Variants in TUBD1 observed in about 807,000 individuals in gnomAD.
TUBD1 encodes tubulin delta 1, also known as tubulin delta chain.
A neutral mutation model predicts 51.2 loss-of-function variants in TUBD1; 38 were observed. The ratio of observed to expected loss-of-function variants is 0.74; its 90% CI spans 0.57 to 0.97. The LOEUF (loss-of-function observed/expected upper bound fraction) is 0.97, where lower values mean the gene tolerates loss of function less well. Among genes scored for constraint, TUBD1 ranks in the 50% least tolerant of loss-of-function variants. The probability of loss-of-function intolerance (pLI) is 0.00; values close to 1 mark genes in which losing one functional copy is unlikely to be tolerated. For missense variants in TUBD1, 489 were observed against 538.4 expected (o/e 0.91, Z 0.91); for synonymous variants, 169 against 178.2 (o/e 0.95, Z 0.41).
At chr17:59,863,616 C>CA (rs377342839) in intron 8 of TUBD1, 48 bp downstream of exon 8, 157,744 of 1,121,968 alleles carry the variant, frequency 0.14, 42 homozygotes, top group Non-Finnish European at 0.15. Flanking sequence ...GACTCTGTCT[C>CA]AAAAAAAAAA....
At chr17:59,869,570 G>A (rs2039886616) in intron 6 of TUBD1, among the ~76,000 whole-genome samples, 1 of 152,034 alleles carries the variant, frequency 6.6e-6, no homozygotes, top group Non-Finnish European at 1.5e-5. Flanking sequence ...ACCTAAGAGA[G>A]CTCAGAGCAG....
chr17:59,883,457 A>G (rs901650281), intron 3 of TUBD1, among the ~76,000 whole-genome samples: 10 of 151,966 alleles, frequency 6.6e-5, no homozygotes, highest in African/African-American at 2.4e-4. Flanking sequence ...TAGTAGAAAC[A>G]GGGTTTTACC....
At position 59,887,369 on chromosome 17, in the gene TUBD1, C is replaced by CA. The variant is rs112102883; in HGVS notation, c.173-1140dup. ...CTTGGGCAAGAGTGAGACTCTGTCT[C>CA]AAAAAAAAAAAAAGACTTGTGGGAA... On this transcript the variant is annotated intron_variant, in intron 2 of 8. Transcript: ENST00000325752. 1.1e-3 allele frequency among the ~76,000 whole-genome samples: 136 copies of CA among 122,708 alleles called. 1 individual carries two copies. Among genetic ancestry groups the CA allele is most frequent in the African/African-American group, 2.0e-3 (68 of 33,978 alleles). The allele number at this position is 122,708 out of a possible 152,430, so 80.5% of individuals were successfully genotyped here.
chr17:59,885,100 C>T (rs2144560105), intron 3 of TUBD1: 2 of 351,084 alleles, frequency 5.7e-6, no homozygotes, highest in Middle Eastern at 4.0e-4. Flanking sequence ...GCAAGGACAG[C>T]CTCCCGCATA....
chr17:59,889,668 C>CAAAAAAAA (rs1195587619), intron 2 of TUBD1, among the ~76,000 whole-genome samples: 5 of 54,142 alleles, frequency 9.2e-5, no homozygotes, highest in African/African-American at 2.2e-4. Flanking sequence ...GACTCTGTCT[C>CAAAAAAAA]AAAAAAAAAA....
chr17:59,874,033 C>CA (rs2040115514), intron 6 of TUBD1, among the ~76,000 whole-genome samples: 1 of 150,612 alleles, frequency 6.6e-6, no homozygotes, highest in African/African-American at 2.4e-5. Flanking sequence ...ACTAAAAATA[C>CA]AAAAAATTAG....
intron 5 of TUBD1, among the ~76,000 whole-genome samples, chr17:59,876,322 G>T (rs1205303964): frequency 6.6e-6 from 1 of 150,552 alleles, no homozygotes; most frequent in Non-Finnish European, 1.5e-5. Flanking sequence ...GAGATTATAG[G>T]TGCACACCAC....
rs1201604049 is a variant in TUBD1, at chr17:59,860,398, A to C, written c.1286T>G (p.Phe429Cys). Residue 429 changes from phenylalanine to cysteine, a missense_variant, in exon 9 of 9, where the codon TTT becomes TGT. Coordinates refer to ENST00000325752, the MANE Select transcript of TUBD1 (RefSeq NM_016261.4). The part of the protein sequence containing the change: ...SKAYIHQYTK[F>C]GIEEEDFLDS... Reference sequence around the variant, plus strand: ...TAAAAAGTCCTCTTCTTCGATTCCAAATTTTGTGTACTGATGAATGTAGGC... The same window carrying C: ...TAAAAAGTCCTCTTCTTCGATTCCACATTTTGTGTACTGATGAATGTAGGC... 6.2e-7 allele frequency: 1 copy of C among 1,611,334 alleles called. No homozygotes were observed. Among genetic ancestry groups the C allele is most frequent in the Non-Finnish European group, 8.5e-7 (1 of 1,178,180 alleles).
intron 3 of TUBD1, among the ~76,000 whole-genome samples, chr17:59,885,775 G>A (rs2040693321): frequency 6.6e-6 from 1 of 152,188 alleles, no homozygotes; most frequent in Non-Finnish European, 1.5e-5. Flanking sequence ...CTACTGTCTT[G>A]TAGTATTCTC....
At chr17:59,861,812 T>C (rs980091427) in intron 8 of TUBD1, among the ~76,000 whole-genome samples, 34 of 151,098 alleles carry the variant, frequency 2.3e-4, no homozygotes, top group Non-Finnish European at 7.4e-5. Context: ...GGATTACAGG[T>C]GCCCGCCACC....
chr17:59,875,073 C>CTTTTTTTTTTTTTTTTTTTTTTT (rs10679203), intron 5 of TUBD1, among the ~76,000 whole-genome samples: 1 of 87,270 alleles, frequency 1.1e-5, no homozygotes, highest in Non-Finnish European at 2.2e-5. Flanking sequence ...TTGTTATATT[C>CTTTTTTTTTTTTTTTTTTTTTTT]TTTTTTTTTT....
chr17:59,880,050 G>A (rs866254643), intron 4 of TUBD1, among the ~76,000 whole-genome samples: 1 of 151,910 alleles, frequency 6.6e-6, no homozygotes, highest in Non-Finnish European at 1.5e-5. Context: ...ACTGCGCCCA[G>A]CCATTCTCTT....
intron 8 of TUBD1, among the ~76,000 whole-genome samples, chr17:59,862,414 A>T (rs905034703): frequency 6.6e-6 from 1 of 152,176 alleles, no homozygotes; most frequent in Non-Finnish European, 1.5e-5. Flanking sequence ...GAGATCAAGA[A>T]ATCTGCTAAA....
At chr17:59,881,481 A>G (rs1221239676) in intron 3 of TUBD1, among the ~76,000 whole-genome samples, 1 of 152,146 alleles carries the variant, frequency 6.6e-6, no homozygotes, top group Non-Finnish European at 1.5e-5. Flanking sequence ...GAGTATAGAA[A>G]GTTCTCTTTA....
At chr17:59,875,244 C>A (rs910085467) in intron 5 of TUBD1, among the ~76,000 whole-genome samples, 1 of 150,984 alleles carries the variant, frequency 6.6e-6, no homozygotes, top group African/African-American at 2.4e-5. Flanking sequence ...GCCCAGCTAA[C>A]TTTTTGTACT....
rs1194220519 is a variant in TUBD1, at chr17:59,860,027, T to C, written c.*295A>G. On this transcript the variant is annotated 3_prime_UTR_variant, in exon 9 of 9. Coordinates refer to ENST00000325752, the MANE Select transcript of TUBD1 (RefSeq NM_016261.4). The stretch of plus-strand genomic sequence containing the variant: ...CTTTGAAAACATTTTTTTTTTTTTT[T>C]TTTTTTGAGACGGAGTCTCGCTCTG... 5.7e-6 allele frequency: 1 copy of C among 175,166 alleles called. No homozygotes were observed. The highest frequency in any genetic ancestry group is 1.2e-5 in the Non-Finnish European group (1 of 84,276). 10.9% of individuals were successfully genotyped at this position (175,166 alleles called of 1,614,324 possible).
chr17:59,866,859 C>T, intron 6 of TUBD1, 110 bp from the exon 7 acceptor site: 1 of 807,058 alleles, frequency 1.2e-6, no homozygotes, highest in Non-Finnish European at 1.9e-6. Flanking sequence ...TCTTGGCTCA[C>T]TGCAACCTCC....
At chr17:59,891,135 CT>C (rs1397705596) in intron 1 of TUBD1, 94 bp from the exon 2 acceptor site, 31 of 688,606 alleles carry the variant, frequency 4.5e-5, no homozygotes, top group African/African-American at 2.4e-4. Context: ...AATAAAAAGT[CT>C]TTTTTCCCCC....
intron 2 of TUBD1, 60 bp downstream of exon 2, chr17:59,890,771 C>T: frequency 7.2e-7 from 1 of 1,387,678 alleles, no homozygotes; most frequent in Non-Finnish European, 9.6e-7. Context: ...ATGTGGAAGG[C>T]CTGGCTTTGA....
Sources: gnomAD v4.1 joint callset for allele counts (sites outside exome capture counted in the v4.1 genomes callset) on GRCh38, gnomAD v4.1.1 for gene constraint, MANE v1.5 for transcripts, NCBI Gene and HGNC (gene_info 2026-07-23, HGNC 2026-07-21) for gene names.